Variants in RCN1 observed in about 807,000 individuals in gnomAD.
RCN1 encodes the protein reticulocalbin 1.
A neutral mutation model predicts 34.7 loss-of-function variants in RCN1; 14 were observed. That is an observed-to-expected ratio of 0.40 (90% CI 0.27 to 0.63). The LOEUF (loss-of-function observed/expected upper bound fraction) is 0.63. Ranked by LOEUF, RCN1 falls within the 30% of genes least tolerant of loss-of-function variation. The probability of loss-of-function intolerance (pLI) is 0.37; values close to 1 mark genes in which losing one functional copy is unlikely to be tolerated. For synonymous variants in RCN1, 125 were observed against 165.5 expected (o/e 0.76, Z 1.88); for missense variants, 326 against 425.1 (o/e 0.77, Z 2.05).
rs777825641 is a variant in RCN1, at chr11:32,098,493, G to C, written c.592G>C (p.Glu198Gln). The change falls in exon 3 of 6, where the codon GAA becomes CAA. Residue 198 changes from glutamate to glutamine, a missense_variant. Physicochemically the swap from Glu to Gln is conservative, Grantham distance 29. Coordinates refer to ENST00000054950, the MANE Select transcript of RCN1 (RefSeq NM_002901.4). ...GGAGTTCACTGCCTTTCTGCATCCTGAAGAGTTTGAACATATGAAGGAAAT... is the reference window on the plus strand; with the variant it reads ...GGAGTTCACTGCCTTTCTGCATCCTCAAGAGTTTGAACATATGAAGGAAAT... ...REEFTAFLHP[E>Q]EFEHMKEIVV... is the part of the protein sequence containing the mutation. 1.2e-6 allele frequency: 2 copies of C among 1,613,692 alleles called. No individual in the cohort carries two copies. Among genetic ancestry groups the C allele is most frequent in the South Asian group, 2.2e-5 (2 of 90,940 alleles).
In RCN1 at chr11:32,103,300, G is replaced by A. The variant is rs1852067246; in HGVS notation, c.708G>A (p.Glu236=). ...TTCTAGCGGATATGTTTTCCCATGA[G>A]GAGAATGGCCCTGAGCCAGACTGGG... is the stretch of plus-strand genomic sequence containing the variant. The part of the protein sequence containing the change: ...DEYIADMFSH[E]ENGPEPDWVL... Residue 236 remains glutamate (E), a synonymous_variant, in exon 5 of 6, where the codon GAG becomes GAA. Transcript: ENST00000054950. 6.2e-7 allele frequency: 1 copy of A among 1,614,012 alleles called. No homozygotes were observed. The highest frequency in any genetic ancestry group is 8.5e-7 in the Non-Finnish European group (1 of 1,179,880).
At chr11:32,092,820 A>G (rs1056677877) in intron 1 of RCN1, among the ~76,000 whole-genome samples, 5 of 152,182 alleles carry the variant, frequency 3.3e-5, no homozygotes, top group African/African-American at 1.2e-4. Flanking sequence ...AAGAGAACAC[A>G]GCCATCCCTG....
Position 32,100,510 on chromosome 11 carries a change from T to G in RCN1, c.628-38T>G, listed in dbSNP as rs763605533. 7 of 1,533,006 alleles carry G rather than the reference T, an allele frequency of 4.6e-6. No individual in the cohort carries two copies. The Admixed American group carries it at 8.4e-5, about 18-fold the overall frequency. 95.0% of individuals were successfully genotyped at this position (1,533,006 alleles called of 1,614,324 possible). On this transcript the variant is annotated intron_variant, in intron 3 of 5. Transcript: ENST00000054950. ...GAATTCTCAGACTTCTTAGAGCACA[T>G]GGCCATCTTGCATTCTGTTTTACCT...
chr11:32,104,011 A>G (rs1374633423), intron 5 of RCN1, among the ~76,000 whole-genome samples: 1 of 152,202 alleles, frequency 6.6e-6, no homozygotes, highest in Non-Finnish European at 1.5e-5. Context: ...GATTGCCCCC[A>G]AATTCTCAGG....
intron 3 of RCN1, among the ~76,000 whole-genome samples, chr11:32,099,725 G>T (rs1487036025): frequency 6.6e-6 from 1 of 152,188 alleles, no homozygotes; most frequent in Admixed American, 6.5e-5. Context: ...TTGTTTACAC[G>T]AGCTGTGGAT....
chr11:32,097,884 C>T (rs190363367), intron 2 of RCN1, among the ~76,000 whole-genome samples: 7 of 152,192 alleles, frequency 4.6e-5, no homozygotes, highest in East Asian at 1.9e-4. Context: ...TACAGAGGCA[C>T]GGGGTGCAGA....
chr11:32,092,488 T>TG, intron 1 of RCN1, among the ~76,000 whole-genome samples: 1 of 151,812 alleles, frequency 6.6e-6, no homozygotes, highest in East Asian at 1.9e-4. Flanking sequence ...CTGATTTGTT[T>TG]GGGGGGCAAA....
Position 32,091,206 on chromosome 11 carries a change from G to T in RCN1, c.10G>T (p.Gly4Cys). MAR[G>C]GRGRRLGLAL... The stretch of plus-strand genomic sequence containing the variant: ...CCCTCTCCTCGGGACGATGGCGCGC[G>T]GTGGCCGCGGCCGCCGCCTGGGGTT... Residue 4 changes from glycine to cysteine, a missense_variant, in exon 1 of 6, where the codon GGT becomes TGT. Coordinates refer to ENST00000054950, the MANE Select transcript of RCN1 (RefSeq NM_002901.4). The T allele has an allele frequency of 7.0e-7, 1 of 1,436,570 alleles. No homozygotes were observed. The highest frequency in any genetic ancestry group is 9.1e-7 in the Non-Finnish European group (1 of 1,102,760). 89.0% of individuals were successfully genotyped at this position (1,436,570 alleles called of 1,614,324 possible).
Position 32,100,553 on chromosome 11 carries a change from C to A in RCN1, c.633C>A (p.Thr211=). ...EHMKEIVVLE[T]LEDIDKNGDG... ...TTTTACCTTTTGCTTCCTAGGAAAC[C>A]CTGGAGGACATCGACAAGAACGGGG... Residue 211 remains threonine, a synonymous_variant, in exon 4 of 6, where the codon ACC becomes ACA. Coordinates refer to ENST00000054950, the MANE Select transcript of RCN1 (RefSeq NM_002901.4). The A allele has an allele frequency of 6.2e-7, 1 of 1,613,830 alleles. No homozygotes were observed. Among genetic ancestry groups the A allele is most frequent in the Non-Finnish European group, 8.5e-7 (1 of 1,179,774 alleles).
At chr11:32,094,256 G>A (rs1250529652) in intron 1 of RCN1, among the ~76,000 whole-genome samples, 1 of 152,188 alleles carries the variant, frequency 6.6e-6, no homozygotes, top group African/African-American at 2.4e-5. Flanking sequence ...AAATGTGACA[G>A]CTCTAAGGCC....
At chr11:32,100,663 ACCCACACGTCTGGCTACTTTC>A in intron 4 of RCN1, 55 bp downstream of exon 4, 1 of 1,409,950 alleles carries the variant, frequency 7.1e-7, no homozygotes, top group South Asian at 1.2e-5. Flanking sequence ...ACATGACCCC[ACCCACACGTCTGGCTACTTTC>A]CCCAGACGTC....
rs757647653 is a variant in RCN1, at chr11:32,095,109, C to G, written c.255-2035C>G. Among the ~76,000 whole-genome samples, 96 of 152,318 alleles carry G rather than the reference C, an allele frequency of 6.3e-4. 1 individual carries two copies. The highest frequency in any genetic ancestry group is 7.3e-4 in the Non-Finnish European group (50 of 68,036). On this transcript the variant is annotated intron_variant, in intron 1 of 5. Transcript: ENST00000054950. ...TGGGTAACCCACTGGCATGTCTCCA[C>G]TGTGTCCCCAGGATCAGAGCAGTGC...
chr11:32,091,094 C>G lies in RCN1; in HGVS notation c.-103C>G. The G allele has an allele frequency of 7.6e-7, 1 of 1,317,286 alleles. No homozygotes were observed. The highest frequency in any genetic ancestry group is 1.8e-5 in the South Asian group (1 of 55,986). 81.6% of individuals were successfully genotyped at this position (1,317,286 alleles called of 1,614,324 possible). On this transcript the variant is annotated 5_prime_UTR_variant, in exon 1 of 6. Coordinates refer to ENST00000054950, the MANE Select transcript of RCN1 (RefSeq NM_002901.4). Reference sequence around the variant, plus strand: ...TGGCCAGTCCCCTCCTCCGCGCCGGCCCCAACCCTGTCGCTGCCGCCGCGC... The same window carrying G: ...TGGCCAGTCCCCTCCTCCGCGCCGGGCCCAACCCTGTCGCTGCCGCCGCGC...
At chr11:32,097,464 T>A in intron 2 of RCN1, 127 bp downstream of exon 2, 1 of 555,916 alleles carries the variant, frequency 1.8e-6, no homozygotes, top group Non-Finnish European at 3.0e-6. Flanking sequence ...TAGAACCTGC[T>A]TGTATAACAC....
intron 2 of RCN1, 36 bp from the exon 3 acceptor site, chr11:32,098,314 G>T: frequency 6.4e-7 from 1 of 1,571,518 alleles, no homozygotes; most frequent in South Asian, 1.2e-5. Context: ...TTGACCGCAC[G>T]GTTTAAAAAC....
At chr11:32,100,052 T>C (rs1190881978) in intron 3 of RCN1, among the ~76,000 whole-genome samples, 1 of 152,246 alleles carries the variant, frequency 6.6e-6, no homozygotes, top group Non-Finnish European at 1.5e-5. Flanking sequence ...AGGTCAAGTA[T>C]ACTAAATACA....
At chr11:32,100,929 T>C (rs533144150) in intron 4 of RCN1, among the ~76,000 whole-genome samples, 98 of 152,228 alleles carry the variant, frequency 6.4e-4, no homozygotes, top group Non-Finnish European at 8.8e-4. Context: ...GGAGATCCCA[T>C]AGATTTACAG....
chr11:32,097,023 A>C, intron 1 of RCN1, 121 bp from the exon 2 acceptor site: 1 of 697,844 alleles, frequency 1.4e-6, no homozygotes, highest in Admixed American at 3.6e-5. Flanking sequence ...TTGTAGTTGT[A>C]TGTGCATTTT....
chr11:32,103,333 A>G lies in RCN1; in HGVS notation c.741A>G (p.Ser247=), dbSNP rs145856402. Residue 247 remains serine, a synonymous_variant, in exon 5 of 6, where the codon TCA becomes TCG. Transcript: ENST00000054950. ...ENGPEPDWVL[S]EREQFNEFRD... ...GCCCTGAGCCAGACTGGGTTTTATC[A>G]GAACGGGAGCAGTTTAACGAATTCC... is the stretch of plus-strand genomic sequence containing the variant. The G allele has an allele frequency of 1.4e-5, 23 of 1,614,072 alleles. No individual in the cohort carries two copies. The African/African-American group carries it at 2.8e-4, about 20-fold the overall frequency.
Sources: allele counts gnomAD v4.1 joint callset (sites outside exome capture counted in the v4.1 genomes callset), GRCh38; gene constraint gnomAD v4.1.1; transcripts MANE v1.5; gene names NCBI Gene and HGNC (gene_info 2026-07-23, HGNC 2026-07-21).